The following SIMC1 variants were observed in gnomAD, a reference collection of about 807,000 sequenced individuals.
SIMC1 encodes SUMO interacting motifs containing 1, also known as SUMO-interacting motif-containing protein 1.
In SIMC1, 55 loss-of-function variants were observed where a neutral mutation model predicts 82.3. The observed-to-expected ratio is 0.67, with a 90% CI of 0.54 to 0.84. The LOEUF is 0.84. Among genes scored for constraint, SIMC1 ranks in the 40% least tolerant of loss-of-function variants. The probability of loss-of-function intolerance (pLI) is 0.00; values close to 1 mark genes in which losing one functional copy is unlikely to be tolerated. For missense variants in SIMC1, 915 were observed against 1,107.2 expected (o/e 0.83, Z 2.46); for synonymous variants, 353 against 426.3 (o/e 0.83, Z 2.12).
intron 2 of SIMC1, among the ~76,000 whole-genome samples, chr5:176,291,235 C>A (rs1334619890): frequency 6.9e-6 from 1 of 144,146 alleles, no homozygotes; most frequent in Non-Finnish European, 1.5e-5. Flanking sequence ...ACAATCTTGG[C>A]TCACTGCAAC....
chr5:176,310,690 A>G (rs1764627791), intron 4 of SIMC1, among the ~76,000 whole-genome samples: 1 of 152,192 alleles, frequency 6.6e-6, no homozygotes, highest in South Asian at 2.1e-4. Flanking sequence ...TGACGCAAGG[A>G]GTTCCTTTGT....
intron 4 of SIMC1, among the ~76,000 whole-genome samples, chr5:176,306,678 G>A (rs1764427366): frequency 6.6e-6 from 1 of 151,642 alleles, no homozygotes; most frequent in Non-Finnish European, 1.5e-5. Context: ...TAAGGGCGGT[G>A]CAAGATGTGC....
intron 1 of SIMC1, chr5:176,261,237 C>T (rs975094731): frequency 1.3e-5 from 2 of 151,972 alleles, no homozygotes; most frequent in African/African-American, 2.4e-5. Context: ...AAACTGCTGA[C>T]CTTAAGTGAT....
chr5:176,306,933 AT>A (rs1437915697), intron 4 of SIMC1, among the ~76,000 whole-genome samples: 7 of 151,920 alleles, frequency 4.6e-5, no homozygotes, highest in Non-Finnish European at 8.8e-5. Flanking sequence ...AAAAAAAAAA[AT>A]AATAAAGAAC....
At chr5:176,343,311 A>G (rs1276690057) in intron 9 of SIMC1, among the ~76,000 whole-genome samples, 1 of 152,172 alleles carries the variant, frequency 6.6e-6, no homozygotes, top group African/African-American at 2.4e-5. Flanking sequence ...TCCCCGTTTG[A>G]TAAATGAGGA....
intron 4 of SIMC1, among the ~76,000 whole-genome samples, chr5:176,306,087 G>A (rs1375762777): frequency 1.5e-4 from 12 of 80,884 alleles, no homozygotes; most frequent in Middle Eastern, 0.015. Flanking sequence ...GGTGAGGGGC[G>A]CCTCTGCCCG....
chr5:176,282,137 G>A (rs188994572), intron 1 of SIMC1, among the ~76,000 whole-genome samples: 9 of 152,350 alleles, frequency 5.9e-5, no homozygotes, highest in South Asian at 4.1e-4. Flanking sequence ...GGGCAATGGC[G>A]GGCGCCCCTC....
At chr5:176,335,273 C>CTTTTTTTTTTTT (rs1225021593) in intron 7 of SIMC1, among the ~76,000 whole-genome samples, 27 of 98,650 alleles carry the variant, frequency 2.7e-4, no homozygotes, top group East Asian at 1.0e-3. Flanking sequence ...TTCTTTGTAT[C>CTTTTTTTTTTTT]TTTTTTTTTT....
intron 1 of SIMC1, among the ~76,000 whole-genome samples, chr5:176,274,521 T>A (rs1762594936): frequency 6.6e-6 from 1 of 151,854 alleles, no homozygotes; most frequent in African/African-American, 2.4e-5. Context: ...TAGATCCCAT[T>A]TGTCAATTTT....
At chr5:176,280,126 A>T (rs971461393) in intron 1 of SIMC1, among the ~76,000 whole-genome samples, 1 of 151,806 alleles carries the variant, frequency 6.6e-6, no homozygotes, top group African/African-American at 2.4e-5. Flanking sequence ...TTTGTAGGTC[A>T]CTCAGGACTT....
At chr5:176,256,245 T>C (rs1761848550) in intron 1 of SIMC1, among the ~76,000 whole-genome samples, 1 of 152,186 alleles carries the variant, frequency 6.6e-6, no homozygotes, top group Non-Finnish European at 1.5e-5. Flanking sequence ...GATCAATACT[T>C]CAAGAAAACA....
chr5:176,259,515 A>G (rs1261612451), intron 1 of SIMC1, among the ~76,000 whole-genome samples: 2 of 152,228 alleles, frequency 1.3e-5, no homozygotes, highest in East Asian at 1.9e-4. Flanking sequence ...GCTCACGCCT[A>G]TAATCCCAAC....
chr5:176,311,418 A>T (rs538900235), intron 4 of SIMC1, among the ~76,000 whole-genome samples: 1 of 151,744 alleles, frequency 6.6e-6, no homozygotes, highest in Non-Finnish European at 1.5e-5. Context: ...TTTTATTTTT[A>T]TTTTTGTAGA....
intron 1 of SIMC1, among the ~76,000 whole-genome samples, chr5:176,275,512 G>A (rs1353360670): frequency 2.0e-5 from 3 of 151,834 alleles, no homozygotes; most frequent in Non-Finnish European, 4.4e-5. Context: ...ACACTGTGTT[G>A]AAGAGGAGTG....
intron 1 of SIMC1, among the ~76,000 whole-genome samples, chr5:176,284,971 C>T (rs1192570144): frequency 6.6e-6 from 1 of 152,084 alleles, no homozygotes; most frequent in African/African-American, 2.4e-5. Context: ...AGCCTACCAA[C>T]CAAAAAAAGT....
intron 1 of SIMC1, among the ~76,000 whole-genome samples, chr5:176,276,533 G>C (rs961926724): frequency 2.0e-5 from 3 of 148,970 alleles, no homozygotes; most frequent in African/African-American, 7.4e-5. Context: ...TGCTGTGCTG[G>C]TGCGCTGCAC....
At chr5:176,281,381 C>G (rs1762999977) in intron 1 of SIMC1, among the ~76,000 whole-genome samples, 1 of 152,112 alleles carries the variant, frequency 6.6e-6, no homozygotes, top group South Asian at 2.1e-4. Context: ...TTTGAATATC[C>G]TCCTGTAGCT....
Position 176,290,148 on chromosome 5 carries a change from A to G in SIMC1, c.624A>G (p.Pro208=). ...ATCAAAAAGCACCCTTGCCATGCCC[A>G]CAGCAAGATGTATCTCGCCCACCAC... ...SSNQKAPLPC[P]QQDVSRPPQA... Residue 208 remains proline, a synonymous_variant, in exon 2 of 10, where the codon CCA becomes CCG. Coordinates refer to ENST00000429602, the MANE Select transcript of SIMC1 (RefSeq NM_001308195.2). 1 of 1,608,866 alleles carries G rather than the reference A, an allele frequency of 6.2e-7. No individual in the cohort carries two copies. The highest frequency in any genetic ancestry group is 8.5e-7 in the Non-Finnish European group (1 of 1,177,564).
Position 176,307,974 on chromosome 5 carries a change from G to A in SIMC1, c.1735-5717G>A, listed in dbSNP as rs1284540385. 3 of 603,380 alleles carry A rather than the reference G, an allele frequency of 5.0e-6. No individual in the cohort carries two copies. The East Asian group carries it at 8.6e-5, about 17-fold the overall frequency. The allele number at this position is 603,380 out of a possible 1,614,324, so 37.4% of individuals were successfully genotyped here. Reference sequence around the variant, plus strand: ...CAGTGTTATACATAATAGCCAAAATGTGGAAATAACCCAAATGTCCATCAG... The same window carrying A: ...CAGTGTTATACATAATAGCCAAAATATGGAAATAACCCAAATGTCCATCAG... On this transcript the variant is annotated intron_variant, in intron 4 of 9. Transcript: ENST00000429602.
Sources: allele counts gnomAD v4.1 joint callset (sites outside exome capture counted in the v4.1 genomes callset), GRCh38; gene constraint gnomAD v4.1.1; transcripts MANE v1.5; gene names NCBI Gene and HGNC (gene_info 2026-07-23, HGNC 2026-07-21).